Variants in PTPRS observed in about 807,000 individuals in gnomAD.
The protein encoded by PTPRS is protein tyrosine phosphatase receptor type S.
PTPRS carries 63 observed loss-of-function variants against 215.3 expected under a neutral mutation model. The ratio of observed to expected loss-of-function variants is 0.29; its 90% CI spans 0.24 to 0.36. PTPRS has a LOEUF of 0.36. Ranked by LOEUF, PTPRS falls within the 10% of genes least tolerant of loss-of-function variation. PTPRS has a pLI of 1.00. For synonymous variants in PTPRS, 1,404 were observed against 1,191.4 expected (o/e 1.18, Z -3.68); for missense variants, 2,258 against 2,825.8 (o/e 0.80, Z 4.56).
Position 5,328,104 on chromosome 19 carries a change from C to T in PTPRS, c.-95+12560G>A, listed in dbSNP as rs112471369. Among the ~76,000 whole-genome samples the T allele has an allele frequency of 3.1e-3, 477 of 152,230 alleles. 2 individuals carry two copies. Among genetic ancestry groups the T allele is most frequent in the South Asian group, 7.7e-3 (37 of 4,826 alleles). On this transcript the variant is annotated intron_variant, in intron 1 of 37. Coordinates refer to ENST00000262963, the MANE Select transcript of PTPRS (RefSeq NM_002850.4). ...CATCACCCTCAAAGCCATTCCTTACCACTTCTTTTGTTTTTTTTTGTTTTT... is the reference window on the plus strand; with the variant it reads ...CATCACCCTCAAAGCCATTCCTTACTACTTCTTTTGTTTTTTTTTGTTTTT...
chr19:5,231,296 G>A lies in PTPRS; in HGVS notation c.2155+14C>T. The A allele has an allele frequency of 6.3e-7, 1 of 1,591,828 alleles. No homozygotes were observed. Among genetic ancestry groups the A allele is most frequent in the Non-Finnish European group, 8.5e-7 (1 of 1,171,768 alleles). On this transcript the variant is annotated intron_variant, in intron 14 of 37. Transcript: ENST00000262963. ...GGGCCTGCGGGGGGTCCCGGGCCTG[G>A]GGCAGGTACTTACCATCCTCGTCGG...
At chr19:5,324,122 G>A (rs1488428722) in intron 1 of PTPRS, among the ~76,000 whole-genome samples, 2 of 151,128 alleles carry the variant, frequency 1.3e-5, no homozygotes, top group African/African-American at 4.9e-5. Context: ...CCAGCTACTC[G>A]GGAGGCTGAG....
At chr19:5,246,166 GGAAA>G (rs1480717214) in intron 9 of PTPRS, 121 bp from the exon 10 acceptor site, 2 of 507,128 alleles carry the variant, frequency 3.9e-6, no homozygotes, top group Non-Finnish European at 6.1e-6. Context: ...AAAGAAAGAA[GGAAA>G]GAAAGAAAAA....
chr19:5,277,061 T>C lies in PTPRS; in HGVS notation c.92-2717A>G, dbSNP rs1392557431. 3.2e-3 allele frequency among the ~76,000 whole-genome samples: 477 copies of C among 150,244 alleles called. 6 individuals are homozygous for C. Among genetic ancestry groups the C allele is most frequent in the African/African-American group, 0.011 (458 of 40,928 alleles). On this transcript the variant is annotated intron_variant, in intron 2 of 37. Transcript: ENST00000262963. ...GGAGCTACTGCTGAGTTTTGTGTTT[T>C]TTTTTTTTTTTTTTAAGAGACTGAG...
rs2041334140 is a variant in PTPRS, at chr19:5,215,431, G to A, written c.4195-19C>T. On this transcript the variant is annotated intron_variant, in intron 27 of 37. Transcript: ENST00000262963. ...CGATGGACTACAGAGGAAGGGGAGA[G>A]CGCGGGTGTCAGGGTAGGTGCCTGT... 6.2e-7 allele frequency: 1 copy of A among 1,612,350 alleles called. No homozygotes were observed. Among genetic ancestry groups the A allele is most frequent in the Non-Finnish European group, 8.5e-7 (1 of 1,178,874 alleles).
rs34149436 is a variant in PTPRS, at chr19:5,244,859, C to CG, written c.989-378dup. Among the ~76,000 whole-genome samples the CG allele has an allele frequency of 0.15, 22,865 of 151,336 alleles. 3,193 individuals carry two copies. Among genetic ancestry groups the CG allele is most frequent in the African/African-American group, 0.37 (15,397 of 41,076 alleles). On this transcript the variant is annotated intron_variant, in intron 10 of 37. Coordinates refer to ENST00000262963, the MANE Select transcript of PTPRS (RefSeq NM_002850.4). The surrounding 1 kb of genome is among the most constrained non-coding windows in gnomAD (Gnocchi z 7.2). ...TAATTTTTTGTATTTTCAGTTGAGA[C>CG]GGGTTTCACTGTGTTAGCCAGGATG...
chr19:5,261,643 T>C (rs2046001072), intron 6 of PTPRS, among the ~76,000 whole-genome samples: 1 of 151,926 alleles, frequency 6.6e-6, no homozygotes, highest in Admixed American at 6.6e-5. Context: ...GCCAGACACG[T>C]GAAAAAGCAG....
chr19:5,219,256 T>C, intron 23 of PTPRS, 54 bp downstream of exon 23: 1 of 1,599,972 alleles, frequency 6.3e-7, no homozygotes, highest in African/African-American at 1.3e-5. Flanking sequence ...CTCCCTCCTT[T>C]TCCAGGAAGC....
At chr19:5,300,762 C>A (rs1445771454) in intron 1 of PTPRS, among the ~76,000 whole-genome samples, 1 of 100,000 alleles carries the variant, frequency 1.0e-5, no homozygotes, top group African/African-American at 4.0e-5. Flanking sequence ...AACAAGACTC[C>A]GTCTCAAAAA....
chr19:5,313,265 C>A (rs2049766786), intron 1 of PTPRS, among the ~76,000 whole-genome samples: 1 of 152,138 alleles, frequency 6.6e-6, no homozygotes, highest in African/African-American at 2.4e-5. Flanking sequence ...ACGCCTGATC[C>A]CTGGTAAAAA....
Position 5,210,560 on chromosome 19 carries a change from G to A in PTPRS, c.5396C>T (p.Ser1799Phe), listed in dbSNP as rs749866143. The change falls in exon 35 of 38, where the codon TCT becomes TTT. Residue 1799 changes from serine (S) to phenylalanine (F), a missense_variant. This residue lies in a region of PTPRS where 927 missense variants were observed against 1,125.9 expected (regional missense o/e 0.82). Coordinates refer to ENST00000262963, the MANE Select transcript of PTPRS (RefSeq NM_002850.4). The surrounding 1 kb of genome is among the most constrained non-coding windows in gnomAD (Gnocchi z 4.5). ...KCHQYWPAERSARYQYFVVDP... is the reference protein window; with the variant it reads ...KCHQYWPAERFARYQYFVVDP... ...TACCACAAAGTACTGGTAGCGGGCA[G>A]AGCGCTCGGCCGGCCAGTACTGGTG... The A allele has an allele frequency of 6.2e-7, 1 of 1,614,212 alleles. No homozygotes were observed. Among genetic ancestry groups the A allele is most frequent in the Non-Finnish European group, 8.5e-7 (1 of 1,180,036 alleles).
At chr19:5,277,717 G>T in intron 2 of PTPRS, 1 of 625,472 alleles carries the variant, frequency 1.6e-6, no homozygotes. Flanking sequence ...GGTGGCAGCC[G>T]TCTCCTCCTC....
chr19:5,263,946 G>A (rs1424806839), intron 5 of PTPRS, among the ~76,000 whole-genome samples: 4 of 152,204 alleles, frequency 2.6e-5, no homozygotes, highest in South Asian at 4.1e-4. Flanking sequence ...ACATGCACAC[G>A]TGGACATGTC....
chr19:5,234,915 A>T (rs1346612744), intron 13 of PTPRS, among the ~76,000 whole-genome samples: 1 of 151,880 alleles, frequency 6.6e-6, no homozygotes, highest in African/African-American at 2.4e-5. Flanking sequence ...GGCCTTACGG[A>T]ATGTTAATAG....
At position 5,219,400 on chromosome 19, in the gene PTPRS, T is replaced by C; in HGVS notation, c.3833A>G (p.Asp1278Gly). ...CACCCAGATAAGCCCCTCCTCGCCA[T>C]CCACGATGGGCTGGGGGTCCGGGTT... is the stretch of plus-strand genomic sequence containing the variant. The part of the protein sequence containing the change: ...LDNPDPQPIV[D>G]GEEGLIWVIG... Residue 1278 changes from aspartate (D) to glycine (G), a missense_variant, in exon 23 of 38, where the codon GAT becomes GGT. Coordinates refer to ENST00000262963, the MANE Select transcript of PTPRS (RefSeq NM_002850.4). The C allele has an allele frequency of 6.2e-7, 1 of 1,613,584 alleles. No homozygotes were observed. Among genetic ancestry groups the C allele is most frequent in the South Asian group, 1.1e-5 (1 of 91,036 alleles).
intron 1 of PTPRS, among the ~76,000 whole-genome samples, chr19:5,303,114 C>T (rs541780028): frequency 2.0e-5 from 3 of 151,988 alleles, no homozygotes; most frequent in South Asian, 4.2e-4. Flanking sequence ...AACAAAAAAC[C>T]GTGGCTCACA....
chr19:5,264,141 TTACAG>T (rs1157656542), intron 5 of PTPRS, among the ~76,000 whole-genome samples: 1 of 74,068 alleles, frequency 1.4e-5, no homozygotes, highest in Non-Finnish European at 3.5e-5. Context: ...CTGTGCCCCC[TTACAG>T]ACCTGAAGCC....
chr19:5,207,804 C>A, intron 37 of PTPRS, 118 bp downstream of exon 37: 1 of 1,443,972 alleles, frequency 6.9e-7, no homozygotes. Flanking sequence ...GGACCGTCTA[C>A]CCACAGTGAC....
intron 1 of PTPRS, among the ~76,000 whole-genome samples, chr19:5,331,322 G>A (rs986272678): frequency 7.1e-4 from 107 of 151,694 alleles, no homozygotes; most frequent in Non-Finnish European, 1.1e-3. Flanking sequence ...TTGTAGAGAT[G>A]AGGTCTCACT....
Sources: allele counts gnomAD v4.1 joint callset (sites outside exome capture counted in the v4.1 genomes callset), GRCh38; gene constraint gnomAD v4.1.1; regional missense constraint gnomAD v4.1.1; non-coding constraint Gnocchi (gnomAD v3.1); transcripts MANE v1.5; gene names NCBI Gene and HGNC (gene_info 2026-07-23, HGNC 2026-07-21).